Variants in ZFHX3 observed in about 807,000 individuals in gnomAD.
The protein encoded by ZFHX3 is zinc finger homeobox protein 3.
In ZFHX3, 42 loss-of-function variants were observed where a neutral mutation model predicts 279.1. That is an observed-to-expected ratio of 0.15 (90% CI 0.12 to 0.19). The LOEUF (loss-of-function observed/expected upper bound fraction) is 0.19, where lower values mean the gene tolerates loss of function less well. ZFHX3 is among the 10% of genes least tolerant of loss of function. The pLI is 1.00. For synonymous variants in ZFHX3, 2,293 were observed against 1,957.8 expected, an observed-to-expected ratio of 1.17 and a Z score of -4.52; for missense variants, 4,981 against 4,754.0, an observed-to-expected ratio of 1.05 and a Z score of -1.40.
intron 1 of ZFHX3, among the ~76,000 whole-genome samples, chr16:72,963,359 T>C (rs925001298): frequency 2.0e-5 from 3 of 152,174 alleles, no homozygotes; most frequent in African/African-American, 2.4e-5. Context: ...ACCCCCAATG[T>C]TGCACTCAAC....
rs9940978 is a variant in ZFHX3, at chr16:73,708,526, C to A, written c.-1607-28286G>T. ...TTGGTCTTGGCCCAAGAAGAATGTTCTAGTTCATTCTCCTAAGTAGTAGGA... is the reference window on the plus strand; with the variant it reads ...TTGGTCTTGGCCCAAGAAGAATGTTATAGTTCATTCTCCTAAGTAGTAGGA... On this transcript the variant is annotated intron_variant, in intron 1 of 17. Coordinates refer to the ZFHX3 transcript ENST00000641206. Among the ~76,000 whole-genome samples the A allele has an allele frequency of 2.1e-3, 314 of 152,318 alleles. 2 individuals are homozygous for A. Among genetic ancestry groups the A allele is most frequent in the African/African-American group, 7.1e-3 (294 of 41,576 alleles).
At chr16:73,819,424 T>C (rs1178264934) in intron 1 of ZFHX3, among the ~76,000 whole-genome samples, 8 of 151,842 alleles carry the variant, frequency 5.3e-5, no homozygotes, top group African/African-American at 1.9e-4. Flanking sequence ...AATCTCCCTT[T>C]GTTGACAACC....
chr16:73,254,335 C>T (rs2013600687), intron 5 of ZFHX3, among the ~76,000 whole-genome samples: 1 of 151,994 alleles, frequency 6.6e-6, no homozygotes, highest in African/African-American at 2.4e-5. Flanking sequence ...CTTTATGATT[C>T]ACTGTAAATT....
chr16:72,840,634 TG>T (rs569245514), intron 4 of ZFHX3, among the ~76,000 whole-genome samples: 2 of 152,186 alleles, frequency 1.3e-5, no homozygotes, highest in Non-Finnish European at 2.9e-5. Context: ...ATGAGGGACT[TG>T]GATTCCCTGT....
intron 3 of ZFHX3, among the ~76,000 whole-genome samples, chr16:72,933,476 G>C (rs750795919): frequency 3.3e-5 from 5 of 150,690 alleles, no homozygotes; most frequent in Non-Finnish European, 5.9e-5. Context: ...AAGGAGATGA[G>C]TTGAAAAAAA....
intron 3 of ZFHX3, among the ~76,000 whole-genome samples, chr16:73,359,261 G>T (rs2016396091): frequency 6.6e-6 from 1 of 150,866 alleles, no homozygotes; most frequent in South Asian, 2.1e-4. Context: ...AGGCAAGAAA[G>T]ATTATTAGAC....
At chr16:72,839,753 G>A (rs968270683) in intron 4 of ZFHX3, among the ~76,000 whole-genome samples, 1 of 152,000 alleles carries the variant, frequency 6.6e-6, no homozygotes, top group Non-Finnish European at 1.5e-5. Flanking sequence ...TTTATGGTCA[G>A]AATTGGGGGT....
intron 5 of ZFHX3, among the ~76,000 whole-genome samples, chr16:72,814,071 A>G (rs1189774920): frequency 2.0e-5 from 3 of 152,278 alleles, no homozygotes; most frequent in Admixed American, 2.0e-4. Context: ...GGGGTGGGTG[A>G]GGGCATCAAA....
At chr16:73,248,982 C>T (rs1206560464) in intron 5 of ZFHX3, among the ~76,000 whole-genome samples, 2 of 152,150 alleles carry the variant, frequency 1.3e-5, no homozygotes, top group Non-Finnish European at 2.9e-5. Flanking sequence ...GAATTAGATA[C>T]GTTTTCATTC....
intron 5 of ZFHX3, among the ~76,000 whole-genome samples, chr16:72,826,619 C>T (rs1179587102): frequency 6.6e-6 from 1 of 152,204 alleles, no homozygotes; most frequent in Non-Finnish European, 1.5e-5. Flanking sequence ...TCATTACACA[C>T]TCAGATACTA....
intron 5 of ZFHX3, among the ~76,000 whole-genome samples, chr16:73,211,293 A>C (rs1281185163): frequency 6.6e-6 from 1 of 152,206 alleles, no homozygotes; most frequent in Non-Finnish European, 1.5e-5. Context: ...GTGGAAAAAT[A>C]GGGTTTCTGG....
intron 2 of ZFHX3, among the ~76,000 whole-genome samples, chr16:73,477,722 G>A (rs2143617374): frequency 6.6e-6 from 1 of 152,292 alleles, no homozygotes; most frequent in South Asian, 2.1e-4. Flanking sequence ...GATCTCACGT[G>A]CTTATATCTG....
At chr16:73,190,678 G>A (rs925910423) in intron 5 of ZFHX3, among the ~76,000 whole-genome samples, 6 of 152,180 alleles carry the variant, frequency 3.9e-5, no homozygotes, top group African/African-American at 1.4e-4. Context: ...TACACAGCTG[G>A]AAAAGCTACT....
intron 3 of ZFHX3, among the ~76,000 whole-genome samples, chr16:73,343,125 T>C (rs948154936): frequency 3.3e-5 from 5 of 152,194 alleles, no homozygotes; most frequent in Non-Finnish European, 5.9e-5. Context: ...GAAGACATGT[T>C]TTTTTCTTTT....
chr16:73,345,572 G>T (rs149927234), intron 3 of ZFHX3, among the ~76,000 whole-genome samples: 2 of 152,008 alleles, frequency 1.3e-5, no homozygotes, highest in African/African-American at 2.4e-5. Context: ...ACATGATCTC[G>T]TTCCTTTTTA....
rs942804903 is a variant in ZFHX3, at chr16:73,881,487, C to A, written c.-1608+10164G>T. ...CTCTCTCTCTCTCTCTCTGCCCCCC[C>A]CCCCCACTCTGCCCATGGTTACTGC... On this transcript the variant is annotated intron_variant, in intron 1 of 17. Transcript: ENST00000641206. Among the ~76,000 whole-genome samples the A allele has an allele frequency of 4.2e-4, 35 of 83,742 alleles. 2 individuals carry two copies. Among genetic ancestry groups the A allele is most frequent in the African/African-American group, 1.1e-3 (29 of 26,654 alleles). The allele number at this position is 83,742 out of a possible 152,430, so 54.9% of individuals were successfully genotyped here. A position where few individuals can be genotyped will look rare whatever the true frequency, so the allele number is the denominator to read the frequency against.
chr16:73,221,051 G>C (rs954903663), intron 5 of ZFHX3, among the ~76,000 whole-genome samples: 1 of 152,120 alleles, frequency 6.6e-6, no homozygotes, highest in African/African-American at 2.4e-5. Context: ...TAGGGGCATT[G>C]CGCCATGGAA....
At chr16:72,963,053 G>A (rs1031132567) in intron 1 of ZFHX3, among the ~76,000 whole-genome samples, 5 of 152,120 alleles carry the variant, frequency 3.3e-5, no homozygotes, top group South Asian at 2.1e-4. Context: ...AAGTCAACTC[G>A]GCAGGTCGAT....
chr16:73,580,143 T>C (rs1040552893), intron 2 of ZFHX3, among the ~76,000 whole-genome samples: 9 of 151,720 alleles, frequency 5.9e-5, no homozygotes, highest in Admixed American at 5.2e-4. Context: ...CATATAATTT[T>C]ATAATTTCCC....
Sources: allele counts gnomAD v4.1 joint callset (sites outside exome capture counted in the v4.1 genomes callset), GRCh38; gene constraint gnomAD v4.1.1; transcripts MANE v1.5; gene names NCBI Gene and HGNC (gene_info 2026-07-23, HGNC 2026-07-21).